Variants in SEM1 observed in about 807,000 individuals in gnomAD.
SEM1 encodes the protein 26S proteasome complex subunit SEM1.
A neutral mutation model predicts 12.7 loss-of-function variants in SEM1; 3 were observed. The ratio of observed to expected loss-of-function variants is 0.24; its 90% CI spans 0.11 to 0.61. The LOEUF (loss-of-function observed/expected upper bound fraction) is 0.61. SEM1 is among the 20% of genes least tolerant of loss of function. The probability of loss-of-function intolerance (pLI) is 0.88; values close to 1 mark genes in which losing one functional copy is unlikely to be tolerated. For missense variants in SEM1, 59 were observed against 81.3 expected, an observed-to-expected ratio of 0.73 and a Z score of 1.06; for synonymous variants, 30 against 27.8, an observed-to-expected ratio of 1.08 and a Z score of -0.25.
At chr7:96,502,187 T>G (rs930135851) in intron 3 of SEM1, among the ~76,000 whole-genome samples, 1 of 152,150 alleles carries the variant, frequency 6.6e-6, no homozygotes, top group African/African-American at 2.4e-5. Flanking sequence ...TTATCTCCAG[T>G]TTAAAGTAAG....
chr7:96,620,879 C>T (rs953758275), downstream of SEM1, among the ~76,000 whole-genome samples: 1 of 151,976 alleles, frequency 6.6e-6, no homozygotes, highest in Non-Finnish European at 1.5e-5. Flanking sequence ...AATTTATTTA[C>T]CTGTTTATAT....
At position 96,640,815 on chromosome 7, in the gene SEM1, G is replaced by A. The variant is rs1046603354; in HGVS notation, c.171-18172C>T. Among the ~76,000 whole-genome samples, 3 of 151,750 alleles carry A rather than the reference G, an allele frequency of 2.0e-5. No individual in the cohort carries two copies. The highest frequency in any genetic ancestry group is 2.1e-4 in the South Asian group (1 of 4,820). ...AAATGAGGGAGGCTATGCATGTGTC[G>A]GGGGAGGAGGAGGAGAGACCCCTAC... On this transcript the variant is annotated intron_variant, in intron 2 of 2. Transcript: ENST00000417009. The surrounding 1 kb of genome is among the most constrained non-coding windows in gnomAD (Gnocchi z 4.0).
chr7:96,639,099 C>A (rs1342576195), intron 2 of SEM1, among the ~76,000 whole-genome samples: 1 of 151,982 alleles, frequency 6.6e-6, no homozygotes, highest in Admixed American at 6.6e-5. Flanking sequence ...AAAGTAATTT[C>A]ACTTTGTCAA....
At chr7:96,541,744 G>T (rs1236613951) in intron 2 of SEM1, among the ~76,000 whole-genome samples, 2 of 151,608 alleles carry the variant, frequency 1.3e-5, no homozygotes, top group South Asian at 2.1e-4. Context: ...ATTTAAACCT[G>T]CAATCTATCT....
intron 2 of SEM1, among the ~76,000 whole-genome samples, chr7:96,643,920 CCTT>C (rs1256075608): frequency 6.6e-6 from 1 of 152,044 alleles, no homozygotes; most frequent in Non-Finnish European, 1.5e-5. Flanking sequence ...ACTTTCTTCT[CCTT>C]ATTAACTGCA....
intron 2 of SEM1, among the ~76,000 whole-genome samples, chr7:96,567,585 T>C (rs1165727205): frequency 1.3e-5 from 2 of 151,528 alleles, no homozygotes; most frequent in Admixed American, 6.6e-5. Context: ...CTTTCTCCTG[T>C]TGAAAATATT....
chr7:96,572,111 C>T (rs1806052798), intron 2 of SEM1, among the ~76,000 whole-genome samples: 1 of 152,142 alleles, frequency 6.6e-6, no homozygotes, highest in Non-Finnish European at 1.5e-5. Flanking sequence ...GTTTGTATTT[C>T]TGTGGGATCG....
chr7:96,634,359 C>A (rs1252583335), intron 2 of SEM1, among the ~76,000 whole-genome samples: 2 of 151,864 alleles, frequency 1.3e-5, no homozygotes, highest in East Asian at 1.9e-4. Flanking sequence ...ATAGGTAGAT[C>A]ATTAGAACAG....
Position 96,567,764 on chromosome 7 carries a change from T to A in SEM1, c.171-61066A>T, listed in dbSNP as rs58231354. Among the ~76,000 whole-genome samples, 1,437 of 151,786 alleles carry A rather than the reference T, an allele frequency of 9.5e-3. 32 individuals carry two copies. Among genetic ancestry groups the A allele is most frequent in the African/African-American group, 0.033 (1,369 of 41,510 alleles). ...GAGCATAATAATATAAATTTTCTCT[T>A]CTGATATAATAGAAACATAAATTAT... On this transcript the variant is annotated intron_variant and NMD_transcript_variant, in intron 2 of 3. Coordinates refer to the SEM1 transcript ENST00000466986.
intron 2 of SEM1, among the ~76,000 whole-genome samples, chr7:96,577,325 C>G (rs1016650957): frequency 1.3e-5 from 2 of 151,976 alleles, no homozygotes; most frequent in African/African-American, 4.8e-5. Context: ...GAAGGCAAAG[C>G]CTGCTCAAAG....
intron 2 of SEM1, among the ~76,000 whole-genome samples, chr7:96,648,034 A>G (rs957732614): frequency 6.6e-6 from 1 of 152,200 alleles, no homozygotes; most frequent in African/African-American, 2.4e-5. Flanking sequence ...CTTAAGTGTA[A>G]TGTTGGAATA....
intron 2 of SEM1, among the ~76,000 whole-genome samples, chr7:96,524,062 G>A (rs1009461753): frequency 6.6e-6 from 1 of 152,010 alleles, no homozygotes; most frequent in African/African-American, 2.4e-5. Flanking sequence ...TATTAAACAG[G>A]GCACTTCTTA....
intron 2 of SEM1, among the ~76,000 whole-genome samples, chr7:96,516,668 G>A (rs1301726194): frequency 6.6e-6 from 1 of 152,156 alleles, no homozygotes; most frequent in East Asian, 1.9e-4. Flanking sequence ...TTGGAAGACA[G>A]TTTAATGCTT....
rs149246122 is a variant in SEM1 at position 96,595,900 on chromosome 7, C to A, written c.171-89202G>T. The stretch of plus-strand genomic sequence containing the variant: ...CATGTTCATTTACACCAAGAAGGTG[C>A]TTATGGCCAACAAAGAGGTGTGTAG... On this transcript the variant is annotated intron_variant and NMD_transcript_variant, in intron 2 of 3. Coordinates refer to the SEM1 transcript ENST00000466986. Among the ~76,000 whole-genome samples the A allele has an allele frequency of 1.7e-3, 256 of 152,254 alleles. 1 individual carries two copies. The highest frequency in any genetic ancestry group is 7.2e-4 in the Non-Finnish European group (49 of 68,014).
intron 3 of SEM1, chr7:96,484,786 G>A: frequency 8.1e-7 from 1 of 1,227,628 alleles, no homozygotes; most frequent in Non-Finnish European, 1.1e-6. Flanking sequence ...ATACAGAAAA[G>A]TTACCCATTT....
chr7:96,494,682 G>A (rs1161953407), intron 1 of SEM1, among the ~76,000 whole-genome samples: 1 of 152,024 alleles, frequency 6.6e-6, no homozygotes, highest in Non-Finnish European at 1.5e-5. Context: ...TCAGATAAGT[G>A]AGAGCTACAA....
At chr7:96,674,602 G>C (rs573723588) in intron 2 of SEM1, among the ~76,000 whole-genome samples, 1 of 152,256 alleles carries the variant, frequency 6.6e-6, no homozygotes, top group African/African-American at 2.4e-5. Flanking sequence ...GGGAGGTCAA[G>C]ACAGCCGTGA....
intron 3 of SEM1, chr7:96,484,109 G>T: frequency 1.0e-6 from 1 of 986,170 alleles, no homozygotes; most frequent in Non-Finnish European, 1.4e-6. Context: ...CCATTTTAGA[G>T]ATGAGAAAAC....
At chr7:96,550,562 G>A (rs1805237222) in intron 2 of SEM1, among the ~76,000 whole-genome samples, 1 of 152,132 alleles carries the variant, frequency 6.6e-6, no homozygotes, top group South Asian at 2.1e-4. Flanking sequence ...GTACTGGTAT[G>A]TCAGAATCAA....
Sources: allele counts gnomAD v4.1 joint callset (sites outside exome capture counted in the v4.1 genomes callset), GRCh38; gene constraint gnomAD v4.1.1; non-coding constraint Gnocchi (gnomAD v3.1); transcripts MANE v1.5; gene names NCBI Gene and HGNC (gene_info 2026-07-23, HGNC 2026-07-21).